Variants in SYT1 observed in about 807,000 individuals in gnomAD.
The protein encoded by SYT1 is synaptotagmin 1.
SYT1 carries 8 observed loss-of-function variants against 44.8 expected under a neutral mutation model. That is an observed-to-expected ratio of 0.18 (90% CI 0.10 to 0.32). The LOEUF is 0.32. Ranked by LOEUF, SYT1 falls within the 10% of genes least tolerant of loss-of-function variation. SYT1 has a pLI of 1.00. For synonymous variants in SYT1, 154 were observed against 188.8 expected, an observed-to-expected ratio of 0.82 and a Z score of 1.51; for missense variants, 286 against 509.3, an observed-to-expected ratio of 0.56 and a Z score of 4.22.
At chr12:79,318,667 T>G (rs1395124255) in intron 8 of SYT1, among the ~76,000 whole-genome samples, 1 of 152,234 alleles carries the variant, frequency 6.6e-6, no homozygotes, top group African/African-American at 2.4e-5. Context: ...GTTAACCAAC[T>G]GCTCTTCACT....
intron 8 of SYT1, among the ~76,000 whole-genome samples, chr12:79,316,092 A>G (rs559224038): frequency 2.4e-4 from 37 of 152,322 alleles, no homozygotes; most frequent in African/African-American, 8.9e-4. Flanking sequence ...AGTCTTGACA[A>G]CGCTATACAC....
At chr12:79,179,195 G>T (rs866504346) in intron 3 of SYT1, among the ~76,000 whole-genome samples, 7 of 39,058 alleles carry the variant, frequency 1.8e-4, no homozygotes, top group South Asian at 6.1e-4. Flanking sequence ...TATAGATATA[G>T]ATATATAGAT....
At chr12:79,083,171 C>G (rs987545025) in intron 3 of SYT1, among the ~76,000 whole-genome samples, 3 of 151,932 alleles carry the variant, frequency 2.0e-5, no homozygotes, top group Admixed American at 6.6e-5. Context: ...ATAAATATAT[C>G]AAACGTTAAA....
At chr12:78,973,757 C>T (rs187169128) in intron 1 of SYT1, among the ~76,000 whole-genome samples, 13 of 150,246 alleles carry the variant, frequency 8.7e-5, no homozygotes, top group Admixed American at 8.0e-4. Flanking sequence ...CAAAATAATG[C>T]GTTTGTTTAC....
intron 9 of SYT1, among the ~76,000 whole-genome samples, chr12:79,442,191 A>C (rs1201288588): frequency 2.6e-5 from 4 of 152,226 alleles, no homozygotes; most frequent in African/African-American, 9.6e-5. Flanking sequence ...GTATTTCATC[A>C]GTCCCAAAGA....
At chr12:78,872,378 C>A (rs1405098451) in intron 1 of SYT1, among the ~76,000 whole-genome samples, 2 of 151,746 alleles carry the variant, frequency 1.3e-5, no homozygotes, top group African/African-American at 4.8e-5. Flanking sequence ...TCTTTTATGC[C>A]TTTGAGAATC....
intron 3 of SYT1, among the ~76,000 whole-genome samples, chr12:79,098,170 T>C (rs185313144): frequency 1.8e-4 from 28 of 152,168 alleles, no homozygotes; most frequent in Admixed American, 1.7e-3. Flanking sequence ...CATCCACTTT[T>C]ATACACGAAT....
At chr12:79,444,038 G>T (rs1870575990) in intron 9 of SYT1, 35 bp from the exon 10 acceptor site, 1 of 1,607,902 alleles carries the variant, frequency 6.2e-7, no homozygotes, top group Non-Finnish European at 8.5e-7. Flanking sequence ...ATGTGTCTCT[G>T]ATCTCCTAAA....
intron 2 of SYT1, among the ~76,000 whole-genome samples, chr12:79,025,914 T>C (rs1202144842): frequency 6.6e-6 from 1 of 151,582 alleles, no homozygotes; most frequent in African/African-American, 2.4e-5. Flanking sequence ...TAGAAGTAGA[T>C]TATGTTTATA....
At chr12:79,018,754 G>A (rs1304888284) in intron 2 of SYT1, among the ~76,000 whole-genome samples, 1 of 152,002 alleles carries the variant, frequency 6.6e-6, no homozygotes, top group Non-Finnish European at 1.5e-5. Flanking sequence ...TAAGCATAAA[G>A]ACTGGGTTCT....
intron 3 of SYT1, among the ~76,000 whole-genome samples, chr12:79,123,647 TC>T (rs1868322507): frequency 1.3e-5 from 2 of 152,196 alleles, no homozygotes; most frequent in South Asian, 4.1e-4. Flanking sequence ...TATACTTTTT[TC>T]CTCTGGCTAA....
chr12:78,870,349 T>C (rs191743052), intron 1 of SYT1, among the ~76,000 whole-genome samples: 1 of 152,246 alleles, frequency 6.6e-6, no homozygotes, highest in Admixed American at 6.5e-5. Context: ...TCAAAGAACC[T>C]ATTTCTGTAC....
intron 4 of SYT1, among the ~76,000 whole-genome samples, chr12:79,285,532 G>T (rs1879266134): frequency 6.6e-6 from 1 of 152,170 alleles, no homozygotes; most frequent in Admixed American, 6.5e-5. Context: ...TAGAAATCTA[G>T]CTTGGAGAGT....
chr12:79,133,209 G>A lies in SYT1; in HGVS notation c.-17-84294G>A, dbSNP rs146879969. On this transcript the variant is annotated intron_variant, in intron 3 of 10. Transcript: ENST00000261205. ...CATAGTCAAGAACTGTATATTGTGT[G>A]TTGTATATTTCAAAATTGCTAGAAG... Among the ~76,000 whole-genome samples, 507 of 152,154 alleles carry A rather than the reference G, an allele frequency of 3.3e-3. 6 individuals are homozygous for A. The highest frequency in any genetic ancestry group is 0.011 in the African/African-American group (441 of 41,506).
chr12:79,196,977 T>C (rs1006993963), intron 3 of SYT1, among the ~76,000 whole-genome samples: 7 of 152,240 alleles, frequency 4.6e-5, no homozygotes, highest in Admixed American at 4.6e-4. Flanking sequence ...TTGGCAGCAA[T>C]TAATAAATGG....
chr12:79,007,930 G>C (rs1317640924), intron 2 of SYT1, among the ~76,000 whole-genome samples: 1 of 152,026 alleles, frequency 6.6e-6, no homozygotes, highest in African/African-American at 2.4e-5. Flanking sequence ...CTAAGTGTCT[G>C]GCACTGGTTT....
chr12:78,958,804 A>C (rs898480612), intron 1 of SYT1, among the ~76,000 whole-genome samples: 5 of 152,132 alleles, frequency 3.3e-5, no homozygotes, highest in Non-Finnish European at 7.3e-5. Flanking sequence ...CTCATTTTGG[A>C]TCATTTACGC....
intron 3 of SYT1, among the ~76,000 whole-genome samples, chr12:79,050,025 A>T (rs927346804): frequency 1.3e-5 from 2 of 151,760 alleles, no homozygotes; most frequent in Admixed American, 6.6e-5. Context: ...TTGATCACCA[A>T]CTCCCACACA....
At chr12:79,040,698 C>T (rs1873491557) in intron 2 of SYT1, among the ~76,000 whole-genome samples, 1 of 152,168 alleles carries the variant, frequency 6.6e-6, no homozygotes, top group Admixed American at 6.6e-5. Flanking sequence ...AGTCCTTGCC[C>T]ATGCCTATGT....
Sources: allele counts gnomAD v4.1 joint callset (sites outside exome capture counted in the v4.1 genomes callset), GRCh38; gene constraint gnomAD v4.1.1; transcripts MANE v1.5; gene names NCBI Gene and HGNC (gene_info 2026-07-23, HGNC 2026-07-21).